The following SRBD1 variants were observed in gnomAD, a reference collection of about 807,000 sequenced individuals.
SRBD1 encodes the protein S1 RNA-binding domain-containing protein 1.
SRBD1 carries 88 observed loss-of-function variants against 115.3 expected under a neutral mutation model. The ratio of observed to expected loss-of-function variants is 0.76; its 90% CI spans 0.64 to 0.91. SRBD1 has a LOEUF of 0.91. SRBD1 is among the 40% of genes least tolerant of loss of function. The pLI is 0.00. For synonymous variants in SRBD1, 509 were observed against 407.7 expected, an observed-to-expected ratio of 1.25 and a Z score of -2.99; for missense variants, 1,385 against 1,177.4, an observed-to-expected ratio of 1.18 and a Z score of -2.58.
At chr2:45,512,693 C>G (rs1168402878) in intron 14 of SRBD1, among the ~76,000 whole-genome samples, 1 of 152,112 alleles carries the variant, frequency 6.6e-6, no homozygotes, top group Non-Finnish European at 1.5e-5. Flanking sequence ...ACAAAGAGCT[C>G]ACCAGCTAAA....
At chr2:45,403,886 A>G (rs1667355952) in intron 19 of SRBD1, among the ~76,000 whole-genome samples, 1 of 151,894 alleles carries the variant, frequency 6.6e-6, no homozygotes, top group Non-Finnish European at 1.5e-5. Context: ...TATTCTTTGT[A>G]CTCTTATTTT....
intron 14 of SRBD1, among the ~76,000 whole-genome samples, chr2:45,545,283 TAA>T (rs56909656): frequency 0.018 from 1,203 of 68,272 alleles, 1 homozygote; most frequent in Non-Finnish European, 0.023. Context: ...CTGTCTCAAT[TAA>T]AAAAAAAAAA....
intron 16 of SRBD1, among the ~76,000 whole-genome samples, chr2:45,440,757 T>C (rs1668643124): frequency 6.6e-6 from 1 of 152,090 alleles, no homozygotes; most frequent in African/African-American, 2.4e-5. Flanking sequence ...AAACAGTGTG[T>C]AGAAAATCTG....
At chr2:45,399,656 C>T (rs1667240763) in intron 19 of SRBD1, among the ~76,000 whole-genome samples, 1 of 152,054 alleles carries the variant, frequency 6.6e-6, no homozygotes, top group Non-Finnish European at 1.5e-5. Context: ...AGATTTAGAT[C>T]TCTGATAAAC....
intron 16 of SRBD1, among the ~76,000 whole-genome samples, chr2:45,471,778 G>T (rs964865578): frequency 2.0e-5 from 3 of 151,930 alleles, no homozygotes; most frequent in Non-Finnish European, 4.4e-5. Flanking sequence ...CACAGTAAAT[G>T]GTATGTAGTG....
At chr2:45,523,892 C>G (rs983679100) in intron 14 of SRBD1, among the ~76,000 whole-genome samples, 1 of 151,872 alleles carries the variant, frequency 6.6e-6, no homozygotes, top group Non-Finnish European at 1.5e-5. Context: ...CAAATAATAT[C>G]TCTTATGAAT....
Position 45,485,033 on chromosome 2 carries a change from T to C in SRBD1, c.1966+3207A>G, listed in dbSNP as rs116252324. ...TTTTAGCTATTATAAATAATGCTGC[T>C]ATAAGCACTTGTGTACAAGTATTTT... On this transcript the variant is annotated intron_variant, in intron 15 of 20. Transcript: ENST00000263736. Among the ~76,000 whole-genome samples, 1,188 of 152,342 alleles carry C rather than the reference T, an allele frequency of 7.8e-3. 14 individuals carry two copies. Among genetic ancestry groups the C allele is most frequent in the African/African-American group, 0.027 (1,119 of 41,578 alleles).
intron 16 of SRBD1, among the ~76,000 whole-genome samples, chr2:45,434,346 A>T (rs1274090643): frequency 1.3e-5 from 2 of 152,126 alleles, no homozygotes; most frequent in Non-Finnish European, 1.5e-5. Context: ...GATGGCCTCA[A>T]TTCTTATGTT....
intron 16 of SRBD1, among the ~76,000 whole-genome samples, chr2:45,427,810 A>G (rs1236012759): frequency 6.6e-6 from 1 of 152,148 alleles, no homozygotes; most frequent in Non-Finnish European, 1.5e-5. Context: ...CTGGTTCAAC[A>G]TACACAATAC....
chr2:45,410,461 C>T (rs1394060888), intron 19 of SRBD1, among the ~76,000 whole-genome samples: 2 of 152,180 alleles, frequency 1.3e-5, no homozygotes, highest in Non-Finnish European at 2.9e-5. Flanking sequence ...CTCACAATGG[C>T]CAAAAACTGG....
intron 20 of SRBD1, among the ~76,000 whole-genome samples, chr2:45,392,085 A>G (rs1161427187): frequency 6.6e-6 from 1 of 152,298 alleles, no homozygotes; most frequent in South Asian, 2.1e-4. Flanking sequence ...CATTTTTGGC[A>G]TAGTTCTTAC....
At chr2:45,460,493 G>C (rs1033250910) in intron 16 of SRBD1, among the ~76,000 whole-genome samples, 1 of 152,100 alleles carries the variant, frequency 6.6e-6, no homozygotes, top group Admixed American at 6.6e-5. Context: ...GGCACAGAAG[G>C]AAATGCTGAG....
At chr2:45,408,272 G>T (rs17321867) in intron 19 of SRBD1, among the ~76,000 whole-genome samples, 51,941 of 152,038 alleles carry the variant, frequency 0.34, 9,902 homozygotes, top group Non-Finnish European at 0.44. Flanking sequence ...TAAACTAAGC[G>T]TACTTGATAG....
chr2:45,576,222 AT>A (rs1238552432), intron 7 of SRBD1, among the ~76,000 whole-genome samples: 3 of 152,058 alleles, frequency 2.0e-5, no homozygotes, highest in East Asian at 1.9e-4. Flanking sequence ...CAGTAAATAT[AT>A]TTTTTCCTTA....
At chr2:45,545,580 G>C (rs1248387894) in intron 14 of SRBD1, among the ~76,000 whole-genome samples, 2 of 152,128 alleles carry the variant, frequency 1.3e-5, no homozygotes, top group Admixed American at 6.5e-5. Context: ...CTACATCAGT[G>C]CTTGTGTTAG....
intron 15 of SRBD1, among the ~76,000 whole-genome samples, chr2:45,486,587 G>A (rs1670126875): frequency 1.3e-5 from 2 of 151,910 alleles, no homozygotes; most frequent in African/African-American, 4.8e-5. Flanking sequence ...AAATAAATTA[G>A]CCAGGCGTGG....
chr2:45,512,337 C>T (rs1670995267), intron 14 of SRBD1, among the ~76,000 whole-genome samples: 1 of 152,134 alleles, frequency 6.6e-6, no homozygotes, highest in South Asian at 2.1e-4. Flanking sequence ...ACTTCAGAGT[C>T]CTATTGGAAC....
intron 14 of SRBD1, among the ~76,000 whole-genome samples, chr2:45,510,903 T>C (rs958033274): frequency 6.6e-6 from 1 of 152,196 alleles, no homozygotes. Flanking sequence ...CAACTCCTTT[T>C]TGAAAGGCTT....
chr2:45,445,746 A>G (rs1668804909), intron 16 of SRBD1, among the ~76,000 whole-genome samples: 1 of 152,100 alleles, frequency 6.6e-6, no homozygotes, highest in Admixed American at 6.6e-5. Context: ...TATACTTTTC[A>G]ACTACTGATA....
Sources: allele counts gnomAD v4.1 joint callset (sites outside exome capture counted in the v4.1 genomes callset), GRCh38; gene constraint gnomAD v4.1.1; transcripts MANE v1.5; gene names NCBI Gene and HGNC (gene_info 2026-07-23, HGNC 2026-07-21).